The following DTNB variants were observed in gnomAD, a reference collection of about 807,000 sequenced individuals.
The protein encoded by DTNB is DTN-B.
Under a neutral mutation model 90.7 loss-of-function variants are expected in DTNB, and 63 were observed. That is an observed-to-expected ratio of 0.69 (90% CI 0.57 to 0.86). The LOEUF (loss-of-function observed/expected upper bound fraction) is 0.86. Among genes scored for constraint, DTNB ranks in the 40% least tolerant of loss-of-function variants. DTNB has a pLI of 0.00. For synonymous variants in DTNB, 277 were observed against 286.7 expected, an observed-to-expected ratio of 0.97 and a Z score of 0.34; for missense variants, 744 against 807.1, an observed-to-expected ratio of 0.92 and a Z score of 0.95.
chr2:25,469,648 T>C (rs758441003), intron 10 of DTNB, among the ~76,000 whole-genome samples: 1 of 152,136 alleles, frequency 6.6e-6, no homozygotes, highest in Non-Finnish European at 1.5e-5. Flanking sequence ...GCTTTCATCA[T>C]GTTGGCCAGG....
At chr2:25,538,126 T>C (rs973699542) in intron 8 of DTNB, among the ~76,000 whole-genome samples, 6 of 152,186 alleles carry the variant, frequency 3.9e-5, no homozygotes. Context: ...CTCATGCCTA[T>C]AATGCCAGCA....
At chr2:25,443,207 G>A (rs945641301) in intron 12 of DTNB, among the ~76,000 whole-genome samples, 4 of 152,176 alleles carry the variant, frequency 2.6e-5, no homozygotes, top group African/African-American at 7.2e-5. Flanking sequence ...TTAAAGCTCT[G>A]TATTTAAGAA....
chr2:25,612,298 T>C (rs1368834926), intron 4 of DTNB, among the ~76,000 whole-genome samples: 1 of 152,140 alleles, frequency 6.6e-6, no homozygotes, highest in Non-Finnish European at 1.5e-5. Context: ...CTAACAACTA[T>C]GTTAAAAAAG....
chr2:25,489,770 C>T (rs2066975808), intron 9 of DTNB, among the ~76,000 whole-genome samples: 1 of 151,610 alleles, frequency 6.6e-6, no homozygotes, highest in Non-Finnish European at 1.5e-5. Context: ...AGAAAAACAC[C>T]AGTTAATTTG....
chr2:25,521,275 T>A (rs1199456443), intron 9 of DTNB, among the ~76,000 whole-genome samples: 1 of 152,034 alleles, frequency 6.6e-6, no homozygotes, highest in African/African-American at 2.4e-5. Context: ...GTAAATAATA[T>A]AAGCTCTAAG....
chr2:25,449,263 C>T (rs1003959785), intron 12 of DTNB, among the ~76,000 whole-genome samples: 1 of 152,104 alleles, frequency 6.6e-6, no homozygotes, highest in African/African-American at 2.4e-5. Context: ...TGGGCTATTC[C>T]AGCTATTATG....
At chr2:25,492,915 C>T (rs1372762648) in intron 9 of DTNB, among the ~76,000 whole-genome samples, 4 of 152,124 alleles carry the variant, frequency 2.6e-5, no homozygotes, top group Non-Finnish European at 4.4e-5. Flanking sequence ...ATTTGGGGCA[C>T]CTGTCAGAGC....
intron 2 of DTNB, among the ~76,000 whole-genome samples, chr2:25,645,402 T>A (rs898811685): frequency 2.6e-5 from 4 of 151,366 alleles, no homozygotes; most frequent in African/African-American, 9.7e-5. Context: ...CTAAATGGAC[T>A]GGATTACAAA....
Position 25,444,959 on chromosome 2 carries a change from A to T in DTNB, c.1257+6589T>A, listed in dbSNP as rs1360393625. The stretch of plus-strand genomic sequence containing the variant: ...CTCTGCAAAATAAACCCAAGATGAA[A>T]GGGCCCAAACATATCAGTATTCATT... On this transcript the variant is annotated intron_variant, in intron 12 of 20. Coordinates refer to ENST00000406818, the MANE Select transcript of DTNB (RefSeq NM_021907.5). Among the ~76,000 whole-genome samples the T allele has an allele frequency of 5.3e-5, 8 of 152,296 alleles. No homozygotes were observed. In the East Asian group the frequency reaches 1.5e-3, roughly 29 times the overall value.
At chr2:25,385,556 G>C (rs1486200442) in intron 18 of DTNB, among the ~76,000 whole-genome samples, 1 of 152,186 alleles carries the variant, frequency 6.6e-6, no homozygotes, top group Non-Finnish European at 1.5e-5. Flanking sequence ...TCTTGTCCTG[G>C]AGGGGAGTAA....
chr2:25,661,341 C>T (rs2083136945), intron 1 of DTNB, among the ~76,000 whole-genome samples: 1 of 152,104 alleles, frequency 6.6e-6, no homozygotes, highest in Non-Finnish European at 1.5e-5. Context: ...TTGTACAAAC[C>T]GGTAAGAAAA....
intron 16 of DTNB, among the ~76,000 whole-genome samples, chr2:25,401,093 G>A (rs893568161): frequency 6.6e-6 from 1 of 152,164 alleles, no homozygotes; most frequent in African/African-American, 2.4e-5. Flanking sequence ...AGGTCACAAG[G>A]TCACACACAA....
At chr2:25,672,434 T>C (rs1205806299) in intron 1 of DTNB, among the ~76,000 whole-genome samples, 1 of 152,112 alleles carries the variant, frequency 6.6e-6, no homozygotes, top group East Asian at 1.9e-4. Context: ...AGCTTATTTC[T>C]AGATGGGAAG....
chr2:25,398,832 A>T (rs2043003502), intron 16 of DTNB, among the ~76,000 whole-genome samples: 1 of 152,158 alleles, frequency 6.6e-6, no homozygotes, highest in Non-Finnish European at 1.5e-5. Flanking sequence ...CTCCCACGGA[A>T]TCTTGTGTGT....
Position 25,605,887 on chromosome 2 carries a change from G to A in DTNB, c.448+1349C>T, listed in dbSNP as rs145922051. On this transcript the variant is annotated intron_variant, in intron 5 of 20. Coordinates refer to ENST00000406818, the MANE Select transcript of DTNB (RefSeq NM_021907.5). ...GAATTTCAGCCCAAAGAATATTTTG[G>A]GATATACCATGTGAAAAACCTCAGA... Among the ~76,000 whole-genome samples the A allele has an allele frequency of 1.1e-3, 164 of 151,708 alleles. 1 individual carries two copies. The highest frequency in any genetic ancestry group is 3.8e-3 in the African/African-American group (159 of 41,396).
At chr2:25,635,144 A>C (rs963762753) in intron 3 of DTNB, among the ~76,000 whole-genome samples, 4 of 152,082 alleles carry the variant, frequency 2.6e-5, no homozygotes, top group Non-Finnish European at 5.9e-5. Context: ...AATAAATCCA[A>C]TGAAGAGGCT....
At chr2:25,604,399 T>C (rs12622697) in intron 5 of DTNB, among the ~76,000 whole-genome samples, 39,054 of 149,186 alleles carry the variant, frequency 0.26, 6,000 homozygotes, top group Non-Finnish European at 0.36. Context: ...TCTCCCTTCT[T>C]TCTCTCTCTC....
chr2:25,396,166 G>C (rs564682442), intron 16 of DTNB, among the ~76,000 whole-genome samples: 5 of 152,206 alleles, frequency 3.3e-5, no homozygotes, highest in Non-Finnish European at 4.4e-5. Context: ...AGTGACTCAG[G>C]AATGGAAAAC....
At chr2:25,418,072 G>A (rs1282351141) in intron 16 of DTNB, among the ~76,000 whole-genome samples, 1 of 152,134 alleles carries the variant, frequency 6.6e-6, no homozygotes, top group Non-Finnish European at 1.5e-5. Context: ...TGTACCTACT[G>A]ATGCAGAAAC....
Sources: allele counts gnomAD v4.1 joint callset (sites outside exome capture counted in the v4.1 genomes callset), GRCh38; gene constraint gnomAD v4.1.1; transcripts MANE v1.5; gene names NCBI Gene and HGNC (gene_info 2026-07-23, HGNC 2026-07-21).